The following SYT1 variants were observed in gnomAD, a reference collection of about 807,000 sequenced individuals.
The protein encoded by SYT1 is synaptotagmin 1, also known as synaptotagmin-1.
SYT1 carries 8 observed loss-of-function variants against 44.8 expected under a neutral mutation model. That is an observed-to-expected ratio of 0.18 (90% CI 0.10 to 0.32). The LOEUF (loss-of-function observed/expected upper bound fraction) is 0.32. SYT1 is among the 10% of genes least tolerant of loss of function. SYT1 has a pLI of 1.00. For synonymous variants in SYT1, 154 were observed against 188.8 expected (o/e 0.82, Z 1.51); for missense variants, 286 against 509.3 (o/e 0.56, Z 4.22).
chr12:79,180,034 T>A (rs1358620719), intron 3 of SYT1, among the ~76,000 whole-genome samples: 1 of 152,076 alleles, frequency 6.6e-6, no homozygotes, highest in East Asian at 1.9e-4. Context: ...GTGCATGTTA[T>A]TTTATATTCT....
intron 3 of SYT1, among the ~76,000 whole-genome samples, chr12:79,085,215 C>A (rs2137971339): frequency 6.6e-6 from 1 of 152,192 alleles, no homozygotes; most frequent in African/African-American, 2.4e-5. Flanking sequence ...TGCAGTTACT[C>A]ACACATAAGT....
intron 3 of SYT1, among the ~76,000 whole-genome samples, chr12:79,211,738 A>G (rs1294345624): frequency 5.3e-5 from 8 of 151,698 alleles, no homozygotes; most frequent in African/African-American, 9.7e-5. Context: ...ATGATTTCCA[A>G]TTTCATCCAT....
chr12:79,013,581 G>A (rs185835314), intron 2 of SYT1, among the ~76,000 whole-genome samples: 1 of 152,256 alleles, frequency 6.6e-6, no homozygotes, highest in East Asian at 1.9e-4. Flanking sequence ...AGCATCTGAA[G>A]CATATTTCAC....
chr12:79,062,418 A>C (rs1281107366), intron 3 of SYT1, among the ~76,000 whole-genome samples: 3 of 152,152 alleles, frequency 2.0e-5, no homozygotes, highest in Non-Finnish European at 4.4e-5. Flanking sequence ...AAGGTTCCCC[A>C]CTGTGCATGA....
chr12:79,091,244 T>G (rs756402820), intron 3 of SYT1, among the ~76,000 whole-genome samples: 5 of 151,918 alleles, frequency 3.3e-5, no homozygotes, highest in Admixed American at 1.3e-4. Context: ...CTTTAGACAT[T>G]TTGAGATAAG....
Position 79,057,950 on chromosome 12 carries a change from A to G in SYT1, c.-18+10588A>G, listed in dbSNP as rs538067518. 2.6e-5 allele frequency among the ~76,000 whole-genome samples: 4 copies of G among 152,194 alleles called. No individual in the cohort carries two copies. The South Asian group carries it at 6.2e-4, about 24-fold the overall frequency. On this transcript the variant is annotated intron_variant, in intron 3 of 10. Transcript: ENST00000261205. Reference sequence around the variant, plus strand: ...CAACCTTTATAATAAATACCATTTTATTACAGAATGCAACAAAATAATTAT... The same window carrying G: ...CAACCTTTATAATAAATACCATTTTGTTACAGAATGCAACAAAATAATTAT...
chr12:79,125,822 G>T (rs1868402325), intron 3 of SYT1, among the ~76,000 whole-genome samples: 1 of 152,104 alleles, frequency 6.6e-6, no homozygotes, highest in South Asian at 2.1e-4. Context: ...TCATGTCTTT[G>T]CACAAAGGCC....
chr12:78,942,898 C>G (rs1294008215), intron 1 of SYT1, among the ~76,000 whole-genome samples: 1 of 151,814 alleles, frequency 6.6e-6, no homozygotes, highest in Admixed American at 6.6e-5. Context: ...GTCATGTCAC[C>G]CAAGTGAGAC....
intron 3 of SYT1, among the ~76,000 whole-genome samples, chr12:79,074,952 C>G (rs1263556266): frequency 6.6e-6 from 1 of 151,864 alleles, no homozygotes; most frequent in South Asian, 2.1e-4. Context: ...GGAATATAAC[C>G]AAAAAATACT....
chr12:79,164,575 G>T (rs1180917713), intron 3 of SYT1, among the ~76,000 whole-genome samples: 1 of 151,990 alleles, frequency 6.6e-6, no homozygotes, highest in East Asian at 1.9e-4. Context: ...GAAATCCTTA[G>T]TAATTGCTTC....
chr12:79,175,347 A>T (rs1871792107), intron 3 of SYT1, among the ~76,000 whole-genome samples: 1 of 152,060 alleles, frequency 6.6e-6, no homozygotes. Context: ...TAATGTAATA[A>T]ATACTTTTGA....
At chr12:78,865,991 C>T (rs1303447787) in intron 1 of SYT1, among the ~76,000 whole-genome samples, 1 of 151,534 alleles carries the variant, frequency 6.6e-6, no homozygotes, top group African/African-American at 2.4e-5. Flanking sequence ...GTTGGGGGAT[C>T]AAAAAATGTA....
chr12:79,370,533 C>T (rs1485699590), intron 9 of SYT1, among the ~76,000 whole-genome samples: 3 of 152,010 alleles, frequency 2.0e-5, no homozygotes, highest in Non-Finnish European at 4.4e-5. Flanking sequence ...GAGGCTGAGG[C>T]GGGCGGATCA....
chr12:78,881,441 G>T (rs1339758557), intron 1 of SYT1, among the ~76,000 whole-genome samples: 1 of 151,650 alleles, frequency 6.6e-6, no homozygotes, highest in Non-Finnish European at 1.5e-5. Context: ...AACTCGCTGG[G>T]TTTAAAGATT....
chr12:79,347,446 C>T (rs1882660178), intron 8 of SYT1, among the ~76,000 whole-genome samples: 1 of 152,152 alleles, frequency 6.6e-6, no homozygotes, highest in African/African-American at 2.4e-5. Context: ...TCCAGAGTTC[C>T]CCATAGAATT....
chr12:79,027,601 A>G (rs1872610176), intron 2 of SYT1, among the ~76,000 whole-genome samples: 1 of 151,506 alleles, frequency 6.6e-6, no homozygotes, highest in Non-Finnish European at 1.5e-5. Context: ...TTGAAACTCG[A>G]AAGCTTTTAG....
rs962994016 is a variant in SYT1 at position 79,150,299 on chromosome 12, A to G, written c.-17-67204A>G. On this transcript the variant is annotated intron_variant, in intron 3 of 10. Transcript: ENST00000261205. ...TAAAAGGGAAATTCTGTCATTTGCA[A>G]CAACATGAATGAACCTAGAAGACTT... 7.9e-5 allele frequency among the ~76,000 whole-genome samples: 12 copies of G among 152,316 alleles called. No individual in the cohort carries two copies. The Middle Eastern group carries it at 0.017, about 216-fold the overall frequency.
At chr12:78,950,553 C>T (rs767245004) in intron 1 of SYT1, among the ~76,000 whole-genome samples, 6 of 152,034 alleles carry the variant, frequency 3.9e-5, no homozygotes, top group Non-Finnish European at 7.4e-5. Context: ...CATTGTTTTA[C>T]AGTAGAAGAC....
At chr12:79,048,844 C>T (rs1489926630) in intron 3 of SYT1, among the ~76,000 whole-genome samples, 1 of 151,812 alleles carries the variant, frequency 6.6e-6, no homozygotes, top group African/African-American at 2.4e-5. Context: ...TTCTTTTTGA[C>T]ATAGAAATTT....
Sources: allele counts gnomAD v4.1 joint callset (sites outside exome capture counted in the v4.1 genomes callset), GRCh38; gene constraint gnomAD v4.1.1; transcripts MANE v1.5; gene names NCBI Gene and HGNC (gene_info 2026-07-23, HGNC 2026-07-21).